The following CARS2 variants were observed in gnomAD, a reference collection of about 807,000 sequenced individuals.
CARS2 encodes cysteinyl-tRNA synthetase 2, mitochondrial.
Under a neutral mutation model 68.8 loss-of-function variants are expected in CARS2, and 52 were observed. That is an observed-to-expected ratio of 0.76 (90% CI 0.61 to 0.95). The LOEUF is 0.95. Ranked by LOEUF, CARS2 falls within the 40% of genes least tolerant of loss-of-function variation. The pLI is 0.00. For missense variants in CARS2, 780 were observed against 754.2 expected, an observed-to-expected ratio of 1.03 and a Z score of -0.40; for synonymous variants, 314 against 303.6, an observed-to-expected ratio of 1.03 and a Z score of -0.36.
At chr13:110,662,199 G>A in intron 9 of CARS2, among the ~76,000 whole-genome samples, 1 of 97,386 alleles carries the variant, frequency 1.0e-5, no homozygotes, top group East Asian at 2.7e-4. Context: ...CCCCATGGTC[G>A]GGTTCGGACC....
At chr13:110,696,068 T>A (rs941613169) in intron 3 of CARS2, among the ~76,000 whole-genome samples, 2 of 152,190 alleles carry the variant, frequency 1.3e-5, no homozygotes, top group Non-Finnish European at 2.9e-5. Flanking sequence ...CTGAAAATGA[T>A]GGTTTCCAGC....
At chr13:110,685,689 G>A (rs566837807) in intron 5 of CARS2, among the ~76,000 whole-genome samples, 1 of 152,210 alleles carries the variant, frequency 6.6e-6, no homozygotes, top group East Asian at 1.9e-4. Context: ...TATCAAGGCT[G>A]AGAAAGTAAG....
At chr13:110,646,732 AG>A in intron 11 of CARS2, 1 of 202,326 alleles carries the variant, frequency 4.9e-6, no homozygotes, top group Non-Finnish European at 1.0e-5. Flanking sequence ...CACTCTGAGC[AG>A]GGGGCTCAGA....
chr13:110,681,650 A>G (rs931567270), intron 6 of CARS2, among the ~76,000 whole-genome samples: 5 of 152,202 alleles, frequency 3.3e-5, no homozygotes, highest in African/African-American at 1.2e-4. Flanking sequence ...AGCTTTATTC[A>G]TAATTGCCAA....
Position 110,642,420 on chromosome 13 carries a change from C to T in CARS2, c.1518G>A (p.Glu506=). ...GCTGCCGCCGGGCGTCCCCCGTGGC[C>T]TCGGGCATGGCCAGCGCAAACTGCC... ...KVRQFALAMP[E]ATGDARRQQL... is the part of the protein sequence containing the mutation. Residue 506 remains glutamate (E), a synonymous_variant, in exon 14 of 15, where the codon GAG becomes GAA. Transcript: ENST00000257347. 6.3e-7 allele frequency: 1 copy of T among 1,599,268 alleles called. No individual in the cohort carries two copies. The highest frequency in any genetic ancestry group is 8.5e-7 in the Non-Finnish European group (1 of 1,173,264).
chr13:110,710,666 A>T (rs1049984519), upstream of CARS2, among the ~76,000 whole-genome samples: 3 of 152,184 alleles, frequency 2.0e-5, no homozygotes, highest in African/African-American at 7.2e-5. Flanking sequence ...ATTATGTTTT[A>T]TTGCTTGATC....
Position 110,663,596 on chromosome 13 carries a change from A to C in CARS2, c.920-78T>G, listed in dbSNP as rs537727259. 61 of 1,574,038 alleles carry C rather than the reference A, an allele frequency of 3.9e-5. 1 individual carries two copies. The South Asian group carries it at 7.0e-4, about 18-fold the overall frequency. On this transcript the variant is annotated intron_variant, in intron 8 of 14. Coordinates refer to ENST00000257347, the MANE Select transcript of CARS2 (RefSeq NM_024537.4). ...CCTCAGGGACACATGGCTCCCCAGGAAACGAATGGGAACCTGCACATATCC... is the reference window on the plus strand; with the variant it reads ...CCTCAGGGACACATGGCTCCCCAGGCAACGAATGGGAACCTGCACATATCC...
chr13:110,647,568 TGGATGGATGGAGGTGC>T (rs974884558), intron 10 of CARS2, among the ~76,000 whole-genome samples: 4 of 151,846 alleles, frequency 2.6e-5, no homozygotes, highest in Non-Finnish European at 5.9e-5. Context: ...AGCCCCGCCC[TGGATGGATGGAGGTGC>T]GGATGAATGG....
At chr13:110,674,474 C>G (rs1349725519) in intron 7 of CARS2, among the ~76,000 whole-genome samples, 1 of 151,776 alleles carries the variant, frequency 6.6e-6, no homozygotes, top group Non-Finnish European at 1.5e-5. Flanking sequence ...AAAGGATTCC[C>G]TATTTAATAA....
At chr13:110,708,176 G>T (rs1163087424), upstream of CARS2, among the ~76,000 whole-genome samples, 1 of 151,810 alleles carries the variant, frequency 6.6e-6, no homozygotes, top group Non-Finnish European at 1.5e-5. Context: ...TGCTGTGGCT[G>T]GAAAAAAAAA....
chr13:110,663,686 C>T (rs907384864), intron 8 of CARS2, 168 bp from the exon 9 acceptor site: 86 of 1,395,944 alleles, frequency 6.2e-5, no homozygotes, highest in Admixed American at 1.7e-4. Context: ...CTGGGCCTTC[C>T]GGGAAGACAG....
At chr13:110,679,891 A>C (rs1389102324) in intron 6 of CARS2, among the ~76,000 whole-genome samples, 1 of 152,210 alleles carries the variant, frequency 6.6e-6, no homozygotes, top group Non-Finnish European at 1.5e-5. Context: ...TGATGGCAGC[A>C]ATGGGTTAAA....
rs772792555 is a variant in CARS2, at chr13:110,706,029, C to T, written c.65G>A (p.Gly22Glu). ...CGCAGGCCAGTGCCACCCAGCCCGC[C>T]CAAGGCCCAGCGCGGCCTGGAGCAG... ...PPLLQAALGL[G>E]RAGWHWPAGR... The change falls in exon 1 of 15, where the codon GGG becomes GAG. Residue 22 changes from glycine (G) to glutamate (E), a missense_variant. Transcript: ENST00000257347. 1.5e-5 allele frequency: 21 copies of T among 1,408,312 alleles called. No individual in the cohort carries two copies. In the East Asian group the frequency reaches 5.5e-4, roughly 37 times the overall value. The allele number at this position is 1,408,312 out of a possible 1,614,324, so 87.2% of individuals were successfully genotyped here. A position where few individuals can be genotyped will look rare whatever the true frequency, so the allele number is the denominator to read the frequency against.
intron 7 of CARS2, among the ~76,000 whole-genome samples, chr13:110,674,380 T>G (rs2062886149): frequency 7.0e-6 from 1 of 142,838 alleles, no homozygotes. Context: ...TATAGACCAA[T>G]GGAACAGAAC....
rs529519512 is a variant in CARS2, at chr13:110,665,387, G to A, written c.920-1869C>T. 3.2e-6 allele frequency: 3 copies of A among 926,758 alleles called. No individual in the cohort carries two copies. The highest frequency in any genetic ancestry group is 1.8e-5 in the African/African-American group (1 of 56,160). 57.4% of individuals were successfully genotyped at this position (926,758 alleles called of 1,614,324 possible). The stretch of plus-strand genomic sequence containing the variant: ...CTTGAACCCAGGAGGCAGAGGTTGC[G>A]GTGAGCTCAGATAGTGCCACTGCAC... On this transcript the variant is annotated intron_variant, in intron 8 of 14. Transcript: ENST00000257347. The surrounding 1 kb of genome is among the most constrained non-coding windows in gnomAD (Gnocchi z 4.3).
At chr13:110,702,552 G>A (rs1421531236) in intron 2 of CARS2, among the ~76,000 whole-genome samples, 1 of 152,168 alleles carries the variant, frequency 6.6e-6, no homozygotes, top group African/African-American at 2.4e-5. Context: ...AGATTTACAA[G>A]AAAAAAATTA....
At chr13:110,662,172 C>T (rs904173327) in intron 9 of CARS2, among the ~76,000 whole-genome samples, 2 of 147,896 alleles carry the variant, frequency 1.4e-5, no homozygotes, top group African/African-American at 5.1e-5. Flanking sequence ...GGCTCCGACC[C>T]ACTCTGCACC....
At chr13:110,694,044 T>G (rs1157200450) in intron 3 of CARS2, among the ~76,000 whole-genome samples, 1 of 151,978 alleles carries the variant, frequency 6.6e-6, no homozygotes. Flanking sequence ...TTTTATTTTT[T>G]GAGATGTAGT....
intron 2 of CARS2, among the ~76,000 whole-genome samples, chr13:110,703,141 A>T (rs531394147): frequency 1.6e-4 from 24 of 151,982 alleles, no homozygotes; most frequent in African/African-American, 5.1e-4. Flanking sequence ...CATCCCTCTG[A>T]CCTCTTCTGG....
Sources: gnomAD v4.1 joint callset for allele counts (sites outside exome capture counted in the v4.1 genomes callset) on GRCh38, gnomAD v4.1.1 for gene constraint, Gnocchi (gnomAD v3.1) non-coding constraint, MANE v1.5 for transcripts, NCBI Gene and HGNC (gene_info 2026-07-23, HGNC 2026-07-21) for gene names.